The following PGM5 variants were observed in gnomAD, a reference collection of about 807,000 sequenced individuals.
PGM5 encodes the protein phosphoglucomutase 5, also known as phosphoglucomutase-like protein 5.
PGM5 carries 23 observed loss-of-function variants against 59.2 expected under a neutral mutation model. The observed-to-expected ratio is 0.39, with a 90% CI of 0.28 to 0.55. The LOEUF (loss-of-function observed/expected upper bound fraction) is 0.55, where lower values mean the gene tolerates loss of function less well. Among genes scored for constraint, PGM5 ranks in the 20% least tolerant of loss-of-function variants. The pLI is 0.66. For missense variants in PGM5, 574 were observed against 748.3 expected, an observed-to-expected ratio of 0.77 and a Z score of 2.72; for synonymous variants, 214 against 286.0, an observed-to-expected ratio of 0.75 and a Z score of 2.54.
chr9:68,527,374 C>T (rs953130499), intron 10 of PGM5, among the ~76,000 whole-genome samples: 2 of 152,196 alleles, frequency 1.3e-5, no homozygotes, highest in African/African-American at 4.8e-5. Flanking sequence ...AGTTTAACTT[C>T]ACTCTCTTTT....
chr9:68,420,542 A>G lies in PGM5; in HGVS notation c.1043+28069A>G, dbSNP rs782375621. On this transcript the variant is annotated intron_variant, in intron 6 of 10. Transcript: ENST00000396396. ...GGCACATGGTAAACTGTCACGTACT[A>G]TACAAATGATCATTGTGATGACATT... is the stretch of plus-strand genomic sequence containing the variant. 1.3e-5 allele frequency among the ~76,000 whole-genome samples: 2 copies of G among 152,216 alleles called. 1 individual carries two copies. Among genetic ancestry groups the G allele is most frequent in the Non-Finnish European group, 2.9e-5 (2 of 68,032 alleles).
chr9:68,505,159 T>C (rs1824634718), intron 10 of PGM5, among the ~76,000 whole-genome samples: 1 of 152,200 alleles, frequency 6.6e-6, no homozygotes, highest in African/African-American at 2.4e-5. Context: ...AATTTCTGGA[T>C]TGGAGGTTTA....
At chr9:68,378,766 C>A (rs567020504) in intron 2 of PGM5, among the ~76,000 whole-genome samples, 6 of 152,166 alleles carry the variant, frequency 3.9e-5, no homozygotes, top group African/African-American at 1.2e-4. Flanking sequence ...ATTTTTAGCC[C>A]AAATCCTGGC....
intron 2 of PGM5, among the ~76,000 whole-genome samples, chr9:68,383,565 C>T (rs1587782140): frequency 6.6e-6 from 1 of 151,664 alleles, no homozygotes; most frequent in East Asian, 1.9e-4. Context: ...AATCAAGAAA[C>T]AATTTTTGTT....
At chr9:68,453,614 G>A (rs1823730658) in intron 6 of PGM5, among the ~76,000 whole-genome samples, 4 of 152,214 alleles carry the variant, frequency 2.6e-5, no homozygotes, top group Admixed American at 2.6e-4. Flanking sequence ...TGGGATTACA[G>A]GGGTGAACAT....
intron 6 of PGM5, among the ~76,000 whole-genome samples, chr9:68,460,703 T>C (rs1289707715): frequency 6.6e-6 from 1 of 152,174 alleles, no homozygotes; most frequent in African/African-American, 2.4e-5. Flanking sequence ...TAACAGCCCT[T>C]TTAACAACTC....
At chr9:68,498,201 A>T (rs1446025708) in intron 9 of PGM5, 1 of 152,220 alleles carries the variant, frequency 6.6e-6, no homozygotes, top group African/African-American at 2.4e-5. Flanking sequence ...TATTTTGCCC[A>T]CAAGGGAATT....
At chr9:68,526,873 T>C (rs895298329) in intron 10 of PGM5, among the ~76,000 whole-genome samples, 1 of 152,244 alleles carries the variant, frequency 6.6e-6, no homozygotes, top group Non-Finnish European at 1.5e-5. Flanking sequence ...TCACGTTTCA[T>C]TGGTTTACAT....
At chr9:68,384,167 A>G (rs1490343889) in intron 2 of PGM5, among the ~76,000 whole-genome samples, 5 of 152,018 alleles carry the variant, frequency 3.3e-5, no homozygotes, top group Non-Finnish European at 7.4e-5. Flanking sequence ...AAACAAACAA[A>G]CAAACATATG....
At chr9:68,482,292 C>T (rs1452354674) in intron 8 of PGM5, among the ~76,000 whole-genome samples, 1 of 152,108 alleles carries the variant, frequency 6.6e-6, no homozygotes, top group African/African-American at 2.4e-5. Flanking sequence ...CTGCCCCTTT[C>T]TCCTTGGTTG....
chr9:68,410,764 A>G (rs1822915108), intron 6 of PGM5, among the ~76,000 whole-genome samples: 1 of 152,228 alleles, frequency 6.6e-6, no homozygotes, highest in Non-Finnish European at 1.5e-5. Flanking sequence ...ATTGGGAACA[A>G]GGTTTTTGGG....
At chr9:68,487,667 A>C (rs1824319318) in intron 9 of PGM5, among the ~76,000 whole-genome samples, 1 of 152,194 alleles carries the variant, frequency 6.6e-6, no homozygotes, top group Admixed American at 6.5e-5. Context: ...TGTTTGGGTT[A>C]AATTCTACTT....
intron 7 of PGM5, among the ~76,000 whole-genome samples, chr9:68,468,688 A>T (rs968379626): frequency 1.3e-5 from 2 of 152,118 alleles, no homozygotes; most frequent in African/African-American, 2.4e-5. Flanking sequence ...GTTTGTTCTA[A>T]TTGGTTCTAA....
chr9:68,411,779 G>C (rs1554681628), intron 6 of PGM5, among the ~76,000 whole-genome samples: 1 of 152,160 alleles, frequency 6.6e-6, no homozygotes, highest in African/African-American at 2.4e-5. Context: ...CAATGAGGAT[G>C]CTTAGAGGAA....
chr9:68,486,461 G>A (rs1167766970), intron 9 of PGM5, among the ~76,000 whole-genome samples: 2 of 152,042 alleles, frequency 1.3e-5, no homozygotes, highest in Admixed American at 1.3e-4. Flanking sequence ...CACAGCCCCT[G>A]GCAACCCCTG....
At chr9:68,395,545 T>G (rs1281034204) in intron 6 of PGM5, 1 of 152,292 alleles carries the variant, frequency 6.6e-6, no homozygotes, top group African/African-American at 2.4e-5. Flanking sequence ...AATAGTATTT[T>G]AATAATCTTG....
intron 10 of PGM5, among the ~76,000 whole-genome samples, chr9:68,502,620 G>C (rs1824594963): frequency 6.6e-6 from 1 of 152,214 alleles, no homozygotes; most frequent in Non-Finnish European, 1.5e-5. Context: ...TCTCACCCCA[G>C]TCCTTGGGAG....
intron 1 of PGM5, chr9:68,371,707 C>T (rs1156296861): frequency 6.6e-6 from 1 of 151,998 alleles, no homozygotes; most frequent in Non-Finnish European, 1.5e-5. Flanking sequence ...AAGTTGAGTG[C>T]TTTTTCTTTA....
intron 6 of PGM5, among the ~76,000 whole-genome samples, chr9:68,460,592 A>G (rs1587817409): frequency 6.6e-6 from 1 of 152,296 alleles, no homozygotes; most frequent in East Asian, 1.9e-4. Context: ...TTTTTCTCAA[A>G]GTGACTAATT....
Sources: gnomAD v4.1 joint callset for allele counts (sites outside exome capture counted in the v4.1 genomes callset) on GRCh38, gnomAD v4.1.1 for gene constraint, MANE v1.5 for transcripts, NCBI Gene and HGNC (gene_info 2026-07-23, HGNC 2026-07-21) for gene names.